The following PACSIN2 variants were observed in gnomAD, a reference collection of about 807,000 sequenced individuals.
PACSIN2 encodes protein kinase C and casein kinase substrate in neurons protein 2.
PACSIN2 carries 25 observed loss-of-function variants against 63.8 expected under a neutral mutation model. The ratio of observed to expected loss-of-function variants is 0.39; its 90% CI spans 0.29 to 0.55. PACSIN2 has a LOEUF of 0.55. Among genes scored for constraint, PACSIN2 ranks in the 20% least tolerant of loss-of-function variants. PACSIN2 has a pLI of 0.62. For synonymous variants in PACSIN2, 255 were observed against 256.2 expected (o/e 1.00, Z 0.05); for missense variants, 518 against 646.9 (o/e 0.80, Z 2.16).
intron 10 of PACSIN2, 58 bp downstream of exon 10, chr22:42,876,079 G>C (rs5751396): frequency 0.46 from 668,229 of 1,460,774 alleles, 157,652 homozygotes; most frequent in Middle Eastern, 0.5. Flanking sequence ...AAAAAAGACC[G>C]CCCACAGCCT....
chr22:42,907,193 G>A (rs530929345), intron 2 of PACSIN2, among the ~76,000 whole-genome samples: 1 of 152,366 alleles, frequency 6.6e-6, no homozygotes, highest in African/African-American at 2.4e-5. Context: ...AAGAGCCAGG[G>A]AGTCCAGCTG....
intron 1 of PACSIN2, among the ~76,000 whole-genome samples, chr22:42,950,915 T>TC: frequency 2.6e-5 from 4 of 151,830 alleles, no homozygotes; most frequent in African/African-American, 9.7e-5. Context: ...CACCAGTAGG[T>TC]AATGTAGCGG....
intron 1 of PACSIN2, among the ~76,000 whole-genome samples, chr22:42,977,182 G>T (rs1921765580): frequency 6.6e-6 from 1 of 152,118 alleles, no homozygotes; most frequent in African/African-American, 2.4e-5. Flanking sequence ...CAAAGAAATA[G>T]AAATAGAAAT....
intron 1 of PACSIN2, among the ~76,000 whole-genome samples, chr22:42,974,065 C>T (rs1364543987): frequency 6.6e-6 from 1 of 152,224 alleles, no homozygotes. Flanking sequence ...CATCTCCCAC[C>T]TCACATGTTA....
chr22:42,907,874 T>C (rs776755921), intron 2 of PACSIN2, among the ~76,000 whole-genome samples: 1 of 152,200 alleles, frequency 6.6e-6, no homozygotes, highest in African/African-American at 2.4e-5. Flanking sequence ...TCACTCCACA[T>C]GGATGATGAA....
In PACSIN2 at chr22:42,930,636, C is replaced by T. The variant is rs539660586; in HGVS notation, c.-77-18479G>A. Among the ~76,000 whole-genome samples, 10 of 152,270 alleles carry T rather than the reference C, an allele frequency of 6.6e-5. No individual in the cohort carries two copies. In the South Asian group the frequency reaches 2.1e-3, roughly 32 times the overall value. ...TCATTTTGAAATAACAAAAGGCACG[C>T]TCATAAAAAGCAAAAATACCTCCAT... is the stretch of plus-strand genomic sequence containing the variant. On this transcript the variant is annotated intron_variant, in intron 1 of 10. Coordinates refer to ENST00000263246, the MANE Select transcript of PACSIN2 (RefSeq NM_001184970.3).
chr22:42,899,901 G>A (rs1930555769), intron 2 of PACSIN2, among the ~76,000 whole-genome samples: 1 of 152,224 alleles, frequency 6.6e-6, no homozygotes, highest in Non-Finnish European at 1.5e-5. Context: ...AAGTAGGGGT[G>A]CGAAGTTTAT....
At chr22:42,979,765 T>C (rs919600074) in intron 1 of PACSIN2, among the ~76,000 whole-genome samples, 8 of 152,136 alleles carry the variant, frequency 5.3e-5, no homozygotes, top group Non-Finnish European at 8.8e-5. Context: ...GGCTGGGAGA[T>C]TCCTGAGGAC....
At chr22:42,949,658 C>T (rs1385018552) in intron 1 of PACSIN2, among the ~76,000 whole-genome samples, 1 of 151,536 alleles carries the variant, frequency 6.6e-6, no homozygotes, top group Non-Finnish European at 1.5e-5. Context: ...ATACCCAATA[C>T]CCCCACTACA....
intron 1 of PACSIN2, among the ~76,000 whole-genome samples, chr22:42,945,092 G>A (rs547101544): frequency 1.1e-3 from 104 of 98,192 alleles, no homozygotes; most frequent in Admixed American, 2.4e-3. Flanking sequence ...GGCAAGACTC[G>A]TCTCAAAAAA....
chr22:42,893,337 C>T (rs983639319), intron 3 of PACSIN2, 120 bp downstream of exon 3: 2 of 1,028,088 alleles, frequency 1.9e-6, no homozygotes, highest in East Asian at 2.4e-5. Flanking sequence ...CTGGGAAATG[C>T]ACTCTTGCCC....
At chr22:42,959,471 A>C (rs2146846820) in intron 1 of PACSIN2, 1 of 152,374 alleles carries the variant, frequency 6.6e-6, no homozygotes, top group South Asian at 2.1e-4. Context: ...TTTTGAAAGG[A>C]AACACGCACG....
intron 1 of PACSIN2, among the ~76,000 whole-genome samples, chr22:42,966,658 A>T (rs1920960799): frequency 6.6e-6 from 1 of 152,202 alleles, no homozygotes; most frequent in African/African-American, 2.4e-5. Context: ...GAACATGTTA[A>T]TTTTTTTCTT....
chr22:42,929,732 G>A (rs761081814), intron 1 of PACSIN2, among the ~76,000 whole-genome samples: 14 of 152,170 alleles, frequency 9.2e-5, no homozygotes, highest in Non-Finnish European at 1.6e-4. Context: ...CCCGCCACCC[G>A]GGGCTCCAAA....
intron 1 of PACSIN2, among the ~76,000 whole-genome samples, chr22:42,940,222 C>G (rs1303150128): frequency 1.3e-5 from 2 of 152,166 alleles, no homozygotes; most frequent in Non-Finnish European, 2.9e-5. Context: ...ACTCAAACTC[C>G]TTAACTACTC....
chr22:43,010,398 A>ATATATATATATATATATATATTTTTTTT lies in PACSIN2; in HGVS notation c.-78+4622_-78+4623insAAAAAAAATATATATATATATATATATA. On this transcript the variant is annotated intron_variant, in intron 1 of 10. Coordinates refer to ENST00000263246, the MANE Select transcript of PACSIN2 (RefSeq NM_001184970.3). ...TGTTTAAAAATACATATATATATAT[A>ATATATATATATATATATATATTTTTTTT]TTTTTTTTTAATTGAAAATAAAAAA... 1.0e-4 allele frequency among the ~76,000 whole-genome samples: 13 copies of ATATATATATATATATATATATTTTTTTT among 126,404 alleles called. 1 individual carries two copies. Among genetic ancestry groups the ATATATATATATATATATATATTTTTTTT allele is most frequent in the South Asian group, 2.7e-4 (1 of 3,688 alleles). 82.9% of individuals were successfully genotyped at this position (126,404 alleles called of 152,430 possible).
intron 1 of PACSIN2, among the ~76,000 whole-genome samples, chr22:43,010,331 G>A (rs866849412): frequency 5.1e-4 from 76 of 149,674 alleles, no homozygotes; most frequent in Middle Eastern, 6.9e-3. Flanking sequence ...TTGAGGCCAG[G>A]GGTTTGAGAC....
chr22:42,981,322 G>A (rs1385699948), intron 1 of PACSIN2, among the ~76,000 whole-genome samples: 3 of 143,294 alleles, frequency 2.1e-5, no homozygotes, highest in East Asian at 2.2e-4. Flanking sequence ...GAGCGTCTCC[G>A]CCCGGCAGCC....
intron 1 of PACSIN2, among the ~76,000 whole-genome samples, chr22:42,947,742 CTGCTCATGGGTAAA>C (rs1933493370): frequency 6.6e-6 from 1 of 152,186 alleles, no homozygotes. Context: ...GCGCCTGACA[CTGCTCATGGGTAAA>C]ATAGAATCCA....
Sources: gnomAD v4.1 joint callset for allele counts (sites outside exome capture counted in the v4.1 genomes callset) on GRCh38, gnomAD v4.1.1 for gene constraint, MANE v1.5 for transcripts, NCBI Gene and HGNC (gene_info 2026-07-23, HGNC 2026-07-21) for gene names.